Variants in MYO16 observed in about 807,000 individuals in gnomAD.
The protein encoded by MYO16 is myosin XVI.
A neutral mutation model predicts 205.3 loss-of-function variants in MYO16; 94 were observed. The observed-to-expected ratio is 0.46, with a 90% CI of 0.39 to 0.54. MYO16 has a LOEUF of 0.54. Among genes scored for constraint, MYO16 ranks in the 20% least tolerant of loss-of-function variants. The pLI, the probability that MYO16 is intolerant of heterozygous loss-of-function variation, is 0.00. For missense variants in MYO16, 2,315 were observed against 2,387.5 expected, an observed-to-expected ratio of 0.97 and a Z score of 0.63; for synonymous variants, 988 against 954.0, an observed-to-expected ratio of 1.04 and a Z score of -0.66.
At chr13:108,991,472 A>C (rs1005852900) in intron 20 of MYO16, among the ~76,000 whole-genome samples, 2 of 152,234 alleles carry the variant, frequency 1.3e-5, no homozygotes, top group African/African-American at 4.8e-5. Context: ...AAAGTGACTA[A>C]ATTTGATCCA....
intron 28 of MYO16, among the ~76,000 whole-genome samples, chr13:109,105,786 CA>C (rs1889107526): frequency 6.6e-6 from 1 of 152,202 alleles, no homozygotes; most frequent in African/African-American, 2.4e-5. Context: ...CTGTACTTCT[CA>C]AAGGAATCTT....
At chr13:108,591,923 CT>C (rs1878409465), upstream of MYO16, among the ~76,000 whole-genome samples, 1 of 152,032 alleles carries the variant, frequency 6.6e-6, no homozygotes, top group African/African-American at 2.4e-5. Flanking sequence ...GAGAACTTTT[CT>C]AGCGTGGAGA....
At chr13:109,030,423 T>C (rs1886513379) in intron 23 of MYO16, among the ~76,000 whole-genome samples, 1 of 152,216 alleles carries the variant, frequency 6.6e-6, no homozygotes, top group Admixed American at 6.5e-5. Flanking sequence ...TATATTGAAT[T>C]CAAGGGTTTA....
chr13:108,923,445 A>AGT (rs1193747319), intron 16 of MYO16, among the ~76,000 whole-genome samples: 1 of 152,208 alleles, frequency 6.6e-6, no homozygotes, highest in East Asian at 1.9e-4. Context: ...CACTGTTTGG[A>AGT]GCAGTGGAGG....
chr13:108,801,392 G>A (rs922599538), intron 6 of MYO16, among the ~76,000 whole-genome samples: 6 of 152,168 alleles, frequency 3.9e-5, no homozygotes, highest in African/African-American at 7.2e-5. Context: ...ACTCTGCATG[G>A]CAGCATGCCA....
chr13:108,591,570 T>G (rs1437785658), upstream of MYO16, among the ~76,000 whole-genome samples: 1 of 152,192 alleles, frequency 6.6e-6, no homozygotes, highest in Non-Finnish European at 1.5e-5. Flanking sequence ...TTCATAATGA[T>G]TGGAAGGAAA....
chr13:109,136,792 T>C (rs1876795869), intron 31 of MYO16, among the ~76,000 whole-genome samples: 1 of 152,190 alleles, frequency 6.6e-6, no homozygotes, highest in African/African-American at 2.4e-5. Context: ...GCTCCTCCCA[T>C]GTCCCAAAGC....
chr13:108,961,950 C>A (rs1457125976), intron 18 of MYO16, among the ~76,000 whole-genome samples: 1 of 152,112 alleles, frequency 6.6e-6, no homozygotes, highest in Non-Finnish European at 1.5e-5. Context: ...ACCCCACTAC[C>A]CAGTGTATTT....
chr13:109,119,164 T>G (rs1875865235), intron 28 of MYO16, among the ~76,000 whole-genome samples: 1 of 152,202 alleles, frequency 6.6e-6, no homozygotes, highest in Non-Finnish European at 1.5e-5. Flanking sequence ...ATAAAACATC[T>G]CTGGCCAACC....
chr13:109,084,807 C>T (rs1156323813), intron 27 of MYO16, among the ~76,000 whole-genome samples: 2 of 151,500 alleles, frequency 1.3e-5, no homozygotes, highest in Non-Finnish European at 2.9e-5. Context: ...GTGTGGGACA[C>T]TTTGGGGATA....
the MYO16 span, among the ~76,000 whole-genome samples, chr13:108,532,895 C>T: frequency 6.6e-6 from 1 of 152,236 alleles, no homozygotes; most frequent in East Asian, 1.9e-4. Flanking sequence ...AAAGAGGCCC[C>T]TACCTTAGAA....
chr13:108,558,796 G>A, the MYO16 span, among the ~76,000 whole-genome samples: 1 of 152,146 alleles, frequency 6.6e-6, no homozygotes, highest in Non-Finnish European at 1.5e-5. Flanking sequence ...CAAACTCTAG[G>A]CAGGTGTAAT....
intron 4 of MYO16, among the ~76,000 whole-genome samples, chr13:108,738,719 G>A (rs572743415): frequency 1.3e-5 from 2 of 152,184 alleles, no homozygotes; most frequent in Admixed American, 1.3e-4. Context: ...GTTGATCTGT[G>A]TAATATTGAC....
At chr13:108,654,709 CT>C (rs1234198903) in intron 1 of MYO16, among the ~76,000 whole-genome samples, 1 of 152,174 alleles carries the variant, frequency 6.6e-6, no homozygotes, top group Non-Finnish European at 1.5e-5. Flanking sequence ...TGTTGAATGG[CT>C]TTGACAAAAA....
the MYO16 span, among the ~76,000 whole-genome samples, chr13:108,530,652 T>C: frequency 6.6e-6 from 1 of 152,254 alleles, no homozygotes; most frequent in Non-Finnish European, 1.5e-5. Flanking sequence ...TTTAGCTAAG[T>C]GCCTAGCTTA....
At chr13:108,544,273 C>A in the MYO16 span, among the ~76,000 whole-genome samples, 2 of 152,070 alleles carry the variant, frequency 1.3e-5, no homozygotes, top group Non-Finnish European at 1.5e-5. Context: ...TAATCAGGAA[C>A]AATCACCAGA....
intron 5 of MYO16, among the ~76,000 whole-genome samples, chr13:108,792,616 A>G (rs1043130459): frequency 4.0e-5 from 6 of 151,108 alleles, no homozygotes; most frequent in Non-Finnish European, 7.4e-5. Flanking sequence ...GGTTCAAGCA[A>G]TTCTTCTGCC....
At chr13:108,971,567 TTAA>T (rs1325033468) in intron 20 of MYO16, among the ~76,000 whole-genome samples, 3 of 150,906 alleles carry the variant, frequency 2.0e-5, no homozygotes, top group Non-Finnish European at 2.9e-5. Flanking sequence ...TAATATATTA[TTAA>T]TAATGTTAAA....
intron 4 of MYO16, among the ~76,000 whole-genome samples, chr13:108,781,359 A>C (rs1730238551): frequency 6.6e-6 from 1 of 152,200 alleles, no homozygotes; most frequent in African/African-American, 2.4e-5. Context: ...TGGGTAGATG[A>C]ATGGCAGATA....
Sources: allele counts gnomAD v4.1 joint callset (sites outside exome capture counted in the v4.1 genomes callset), GRCh38; gene constraint gnomAD v4.1.1; transcripts MANE v1.5; gene names NCBI Gene and HGNC (gene_info 2026-07-23, HGNC 2026-07-21).